SLC24A1: variants seen among roughly 807,000 people sequenced by gnomAD.
SLC24A1 encodes solute carrier family 24 member 1, also known as sodium/potassium/calcium exchanger 1.
Under a neutral mutation model 88.1 loss-of-function variants are expected in SLC24A1, and 52 were observed. The ratio of observed to expected loss-of-function variants is 0.59; its 90% CI spans 0.47 to 0.74. The LOEUF (loss-of-function observed/expected upper bound fraction) is 0.74. Among genes scored for constraint, SLC24A1 ranks in the 30% least tolerant of loss-of-function variants. The pLI, the probability that SLC24A1 is intolerant of heterozygous loss-of-function variation, is 0.00. For missense variants in SLC24A1, 1,173 were observed against 1,363.3 expected, an observed-to-expected ratio of 0.86 and a Z score of 2.20; for synonymous variants, 455 against 498.0, an observed-to-expected ratio of 0.91 and a Z score of 1.15.
exon 1 of SLC24A1, chr15:65,611,524 C>T (rs1428873376): frequency 3.2e-5 from 11 of 339,396 alleles, no homozygotes; most frequent in Non-Finnish European, 5.0e-5. Flanking sequence ...CCCTCACTCC[C>T]CTGGGCCCCG....
At chr15:65,642,341 C>CTCCAGGGTCCCATGGCTTTTCT in intron 4 of SLC24A1, among the ~76,000 whole-genome samples, 1 of 152,294 alleles carries the variant, frequency 6.6e-6, no homozygotes, top group East Asian at 1.9e-4. Context: ...GGCTTATCCT[C>CTCCAGGGTCCCATGGCTTTTCT]TCCAGGGTCC....
chr15:65,653,385 TA>T (rs1382214546), intron 9 of SLC24A1, among the ~76,000 whole-genome samples: 2 of 151,914 alleles, frequency 1.3e-5, no homozygotes, highest in Non-Finnish European at 2.9e-5. Flanking sequence ...GAGGGGCAGC[TA>T]AAAAGGCAGC....
chr15:65,625,593 T>C lies in SLC24A1; in HGVS notation c.1513T>C (p.Ser505Pro), dbSNP rs753147660. The C allele has an allele frequency of 6.2e-7, 1 of 1,614,030 alleles. No homozygotes were observed. Among genetic ancestry groups the C allele is most frequent in the South Asian group, 1.1e-5 (1 of 91,086 alleles). ...CGCCACATTCATGGCTGCTGGAGGCTCTGCTCCTGAGCTCTTCACCTCCCT... is the reference window on the plus strand; with the variant it reads ...CGCCACATTCATGGCTGCTGGAGGCCCTGCTCCTGAGCTCTTCACCTCCCT... ...AGATFMAAGGSAPELFTSLIG... is the reference protein window; with the variant it reads ...AGATFMAAGGPAPELFTSLIG... The change falls in exon 2 of 10, where the codon TCT becomes CCT. Residue 505 changes from serine to proline, a missense_variant. Ser to Pro is a moderately conservative substitution (Grantham distance 74, BLOSUM62 -1). Transcript: ENST00000261892.
In SLC24A1 at chr15:65,650,395, A is replaced by C; in HGVS notation, c.2246A>C (p.Glu749Ala). ...TTTGGATTGCAGGAAGATGTGGCTG[A>C]GGCCGAGAGCACAGGTGAAATGCCA... The part of the protein sequence containing the change: ...ENPGGQEDVA[E>A]AESTGEMPGE... Residue 749 changes from glutamate (E) to alanine (A), a missense_variant, in exon 7 of 10, where the codon GAG becomes GCG. Glu to Ala is a moderately radical substitution (Grantham distance 107). Transcript: ENST00000261892. The surrounding 1 kb of genome is among the most constrained non-coding windows in gnomAD (Gnocchi z 4.1). 6.4e-7 allele frequency: 1 copy of C among 1,551,110 alleles called. No individual in the cohort carries two copies. Among genetic ancestry groups the C allele is most frequent in the Non-Finnish European group, 8.7e-7 (1 of 1,146,450 alleles).
Position 65,624,833 on chromosome 15 carries a change from A to C in SLC24A1, c.753A>C (p.Gly251=). 3 of 1,614,026 alleles carry C rather than the reference A, an allele frequency of 1.9e-6. No homozygotes were observed. Among genetic ancestry groups the C allele is most frequent in the Non-Finnish European group, 2.5e-6 (3 of 1,179,890 alleles). Residue 251 remains glycine (G), a synonymous_variant, in exon 2 of 10, where the codon GGA becomes GGC. Coordinates refer to ENST00000261892, the MANE Select transcript of SLC24A1 (RefSeq NM_004727.3). ...MEETTPTTLK[G]MFDSTPTFLT... Reference sequence around the variant, plus strand: ...AAACCACCCCAACCACTCTCAAGGGAATGTTTGATAGCACCCCAACTTTTC... The same window carrying C: ...AAACCACCCCAACCACTCTCAAGGGCATGTTTGATAGCACCCCAACTTTTC...
intron 2 of SLC24A1, among the ~76,000 whole-genome samples, chr15:65,635,461 AAAAAAAAAAG>A (rs2074894045): frequency 1.3e-5 from 2 of 148,532 alleles, no homozygotes; most frequent in Admixed American, 6.6e-5. Flanking sequence ...AAAAAAAAAA[AAAAAAAAAAG>A]AAAAAAAAAG....
intron 3 of SLC24A1, among the ~76,000 whole-genome samples, chr15:65,639,005 G>GA (rs1006812403): frequency 3.3e-5 from 5 of 152,002 alleles, no homozygotes; most frequent in Middle Eastern, 3.4e-3. Flanking sequence ...CACATGGGCA[G>GA]AAAAAAAACC....
rs1436377346 is a variant in SLC24A1 at position 65,645,717 on chromosome 15, C to T, written c.2232+14C>T. 8 of 1,550,746 alleles carry T rather than the reference C, an allele frequency of 5.2e-6. No individual in the cohort carries two copies. In the Admixed American group the frequency reaches 1.5e-4, roughly 30 times the overall value. On this transcript the variant is annotated intron_variant, in intron 6 of 9. Coordinates refer to ENST00000261892, the MANE Select transcript of SLC24A1 (RefSeq NM_004727.3). The stretch of plus-strand genomic sequence containing the variant: ...CCAGGCGGTCAGGTAGGCACCCAGC[C>T]TTGGCACAGACAAAATTGGAGAGGT...
rs370645621 is a variant in SLC24A1 at position 65,650,621 on chromosome 15, T to C, written c.2472T>C (p.Asn824=). 111 of 1,550,434 alleles carry C rather than the reference T, an allele frequency of 7.2e-5. No homozygotes were observed. The highest frequency in any genetic ancestry group is 1.7e-4 in the Middle Eastern group (1 of 6,016). The change falls in exon 7 of 10, where the codon AAT becomes AAC. Residue 824 remains asparagine, a synonymous_variant. Coordinates refer to ENST00000261892, the MANE Select transcript of SLC24A1 (RefSeq NM_004727.3). This position sits in a 1 kb window ranked among gnomAD's most constrained non-coding sequence, Gnocchi z 4.1. ...IHAEDGEMKG[N]EGETESQELS... ...CAGAAGATGGTGAAATGAAAGGTAA[T>C]GAAGGTGAAACTGAAAGCCAGGAAC...
chr15:65,660,050 TC>T (rs916722772), downstream of SLC24A1: 5 of 452,898 alleles, frequency 1.1e-5, no homozygotes, highest in Middle Eastern at 6.1e-4. Flanking sequence ...GCCAAAAGCC[TC>T]CCCCCTCTGA....
Position 65,654,441 on chromosome 15 carries a change from C to G in SLC24A1, c.*362C>G. The G allele has an allele frequency of 8.6e-7, 1 of 1,166,746 alleles. No individual in the cohort carries two copies. The highest frequency in any genetic ancestry group is 1.1e-6 in the Non-Finnish European group (1 of 937,646). The allele number at this position is 1,166,746 out of a possible 1,614,324, so 72.3% of individuals were successfully genotyped here. On this transcript the variant is annotated 3_prime_UTR_variant, in exon 10 of 10. Coordinates refer to ENST00000261892, the MANE Select transcript of SLC24A1 (RefSeq NM_004727.3). Reference sequence around the variant, plus strand: ...GACAAGCTCCTACGCTCACTGTTCCCTGATCATTCCAAAGGCTGCTGGCCC... The same window carrying G: ...GACAAGCTCCTACGCTCACTGTTCCGTGATCATTCCAAAGGCTGCTGGCCC...
At chr15:65,657,482 A>G (rs2075722272), downstream of SLC24A1, among the ~76,000 whole-genome samples, 1 of 152,098 alleles carries the variant, frequency 6.6e-6, no homozygotes, top group South Asian at 2.1e-4. Context: ...TCTACTAAAA[A>G]AATACCAAAA....
chr15:65,652,292 G>A (rs2075535302), intron 8 of SLC24A1: 1 of 278,872 alleles, frequency 3.6e-6, no homozygotes, highest in African/African-American at 2.2e-5. Flanking sequence ...CCACATTCCT[G>A]GAAATAGAAA....
chr15:65,638,061 GAA>G (rs984394359), intron 2 of SLC24A1, 65 bp from the exon 3 acceptor site: 8 of 1,116,604 alleles, frequency 7.2e-6, no homozygotes, highest in Non-Finnish European at 1.1e-5. Flanking sequence ...CTTCCGTGGA[GAA>G]AGGGATGTAG....
In SLC24A1 at chr15:65,654,707, CTTTTTTTTTT is replaced by C; in HGVS notation, c.*634_*643del. On this transcript the variant is annotated 3_prime_UTR_variant, in exon 10 of 10. Coordinates refer to ENST00000261892, the MANE Select transcript of SLC24A1 (RefSeq NM_004727.3). ...GCATCTGGATATATACCAGTATTTT[CTTTTTTTTTT>C]TTTTTGAGACAGAGTTTGGCTCTTG... The C allele has an allele frequency of 8.9e-7, 1 of 1,119,718 alleles. No individual in the cohort carries two copies. Among genetic ancestry groups the C allele is most frequent in the Non-Finnish European group, 1.2e-6 (1 of 861,380 alleles). The allele number at this position is 1,119,718 out of a possible 1,614,324, so 69.4% of individuals were successfully genotyped here.
At chr15:65,631,144 G>T (rs2074710128) in intron 2 of SLC24A1, among the ~76,000 whole-genome samples, 2 of 152,192 alleles carry the variant, frequency 1.3e-5, no homozygotes, top group Non-Finnish European at 2.9e-5. Flanking sequence ...TCATGGATAT[G>T]TGTAAGCTTG....
intron 6 of SLC24A1, among the ~76,000 whole-genome samples, chr15:65,649,554 C>T (rs1284571687): frequency 7.5e-6 from 1 of 133,732 alleles, no homozygotes; most frequent in East Asian, 2.1e-4. Context: ...CCACGTGGAC[C>T]ATGGGCAAGT....
At chr15:65,652,483 C>T in intron 8 of SLC24A1, 159 bp from the exon 9 acceptor site, 1 of 585,198 alleles carries the variant, frequency 1.7e-6, no homozygotes, top group Non-Finnish European at 3.0e-6. Context: ...TCTCTGTGGC[C>T]ATCTCAGCTG....
downstream of SLC24A1, among the ~76,000 whole-genome samples, chr15:65,657,520 A>G (rs993504150): frequency 3.9e-5 from 6 of 152,120 alleles, no homozygotes; most frequent in Non-Finnish European, 7.4e-5. Context: ...GCAGGCGCCT[A>G]TAGTCCCAGC....
Sources: gnomAD v4.1 joint callset for allele counts (sites outside exome capture counted in the v4.1 genomes callset) on GRCh38, gnomAD v4.1.1 for gene constraint, Gnocchi (gnomAD v3.1) non-coding constraint, MANE v1.5 for transcripts, NCBI Gene and HGNC (gene_info 2026-07-23, HGNC 2026-07-21) for gene names.